PDE4D: variants seen among roughly 807,000 people sequenced by gnomAD.
PDE4D encodes the protein phosphodiesterase 4D.
A neutral mutation model predicts 87.4 loss-of-function variants in PDE4D; 24 were observed. That is an observed-to-expected ratio of 0.27 (90% CI 0.20 to 0.39). The LOEUF is 0.39. PDE4D is among the 10% of genes least tolerant of loss of function. The pLI, the probability that PDE4D is intolerant of heterozygous loss-of-function variation, is 1.00. For synonymous variants in PDE4D, 384 were observed against 383.2 expected (o/e 1.00, Z -0.02); for missense variants, 714 against 1,041.0 (o/e 0.69, Z 4.32).
intron 1 of PDE4D, among the ~76,000 whole-genome samples, chr5:59,593,824 C>T (rs1826254781): frequency 6.6e-6 from 1 of 152,138 alleles, no homozygotes; most frequent in South Asian, 2.1e-4. Flanking sequence ...GGGAGGTCCC[C>T]ACAATTCTGT....
intron 2 of PDE4D, among the ~76,000 whole-genome samples, chr5:60,143,266 CCAGA>C (rs1240948264): frequency 1.3e-5 from 2 of 152,168 alleles, no homozygotes; most frequent in Non-Finnish European, 2.9e-5. Context: ...GCCACATTCT[CCAGA>C]CAGTTTATGT....
intron 1 of PDE4D, among the ~76,000 whole-genome samples, chr5:60,456,332 C>A (rs994006251): frequency 6.6e-6 from 1 of 152,200 alleles, no homozygotes; most frequent in Non-Finnish European, 1.5e-5. Flanking sequence ...GCAAGTGACA[C>A]GAGGCAAGAG....
intron 2 of PDE4D, among the ~76,000 whole-genome samples, chr5:60,123,038 C>G (rs555091917): frequency 1.3e-5 from 2 of 152,262 alleles, no homozygotes; most frequent in African/African-American, 4.8e-5. Flanking sequence ...ATCACCTTTG[C>G]TACAGTTCCC....
At chr5:59,055,586 C>T (rs1286446838) in intron 5 of PDE4D, among the ~76,000 whole-genome samples, 1 of 152,138 alleles carries the variant, frequency 6.6e-6, no homozygotes, top group Non-Finnish European at 1.5e-5. Context: ...CTTTTTCCCT[C>T]TTTCCCTCCT....
intron 1 of PDE4D, among the ~76,000 whole-genome samples, chr5:59,216,548 T>G (rs912510054): frequency 3.3e-5 from 5 of 152,154 alleles, no homozygotes; most frequent in Non-Finnish European, 7.4e-5. Flanking sequence ...CATTCTTCAG[T>G]TTAAAACCCT....
At chr5:60,369,642 A>G (rs1352142689) in intron 1 of PDE4D, among the ~76,000 whole-genome samples, 2 of 152,122 alleles carry the variant, frequency 1.3e-5, no homozygotes, top group African/African-American at 4.8e-5. Flanking sequence ...GGACTTCCTT[A>G]CCTTGCCTTT....
At chr5:60,273,957 C>A (rs1751089864) in intron 1 of PDE4D, among the ~76,000 whole-genome samples, 1 of 152,098 alleles carries the variant, frequency 6.6e-6, no homozygotes, top group South Asian at 2.1e-4. Flanking sequence ...GATGAGCATG[C>A]CCAGTCAGAA....
intron 1 of PDE4D, among the ~76,000 whole-genome samples, chr5:59,600,856 G>A (rs1827403855): frequency 6.6e-6 from 1 of 152,184 alleles, no homozygotes; most frequent in African/African-American, 2.4e-5. Context: ...TGCTCAATTT[G>A]TGGACCCATC....
At chr5:60,065,067 T>A (rs1005602698) in intron 2 of PDE4D, among the ~76,000 whole-genome samples, 2 of 152,140 alleles carry the variant, frequency 1.3e-5, no homozygotes, top group Admixed American at 1.3e-4. Context: ...AATACACACA[T>A]TGCATTGCTA....
At chr5:60,027,462 T>C (rs904127844) in intron 2 of PDE4D, among the ~76,000 whole-genome samples, 2 of 152,202 alleles carry the variant, frequency 1.3e-5, no homozygotes, top group African/African-American at 4.8e-5. Context: ...ATGGTGTATA[T>C]GTACCTAGGT....
intron 1 of PDE4D, among the ~76,000 whole-genome samples, chr5:60,197,093 A>ACAGT (rs1741355696): frequency 8.0e-6 from 1 of 125,714 alleles, no homozygotes; most frequent in African/African-American, 3.0e-5. Flanking sequence ...AGATAGATAG[A>ACAGT]TAGATAGATA....
intron 1 of PDE4D, among the ~76,000 whole-genome samples, chr5:60,280,525 T>G (rs1028382613): frequency 1.3e-5 from 2 of 152,096 alleles, no homozygotes; most frequent in Non-Finnish European, 2.9e-5. Flanking sequence ...TAACAGTAGC[T>G]TAAATAAAAC....
At chr5:59,891,785 G>GCACACA (rs905733153) in intron 1 of PDE4D, among the ~76,000 whole-genome samples, 4 of 66,404 alleles carry the variant, frequency 6.0e-5, no homozygotes, top group African/African-American at 1.0e-4. Flanking sequence ...AGAGAGACAT[G>GCACACA]CTCACACACA....
At chr5:60,517,316 A>G (rs990176743) in intron 1 of PDE4D, among the ~76,000 whole-genome samples, 9 of 152,182 alleles carry the variant, frequency 5.9e-5, no homozygotes, top group Non-Finnish European at 1.2e-4. Context: ...CAGCAGGTTG[A>G]TGGCAGCGGG....
intron 5 of PDE4D, among the ~76,000 whole-genome samples, chr5:59,149,574 TTTA>T (rs1779156191): frequency 1.3e-5 from 2 of 152,108 alleles, no homozygotes; most frequent in Non-Finnish European, 2.9e-5. Flanking sequence ...GGAATGGAGA[TTTA>T]GGAGAATTTT....
intron 1 of PDE4D, among the ~76,000 whole-genome samples, chr5:59,482,730 G>C (rs1194892047): frequency 1.3e-5 from 2 of 152,062 alleles, no homozygotes; most frequent in Non-Finnish European, 2.9e-5. Context: ...AGCAATAATG[G>C]ACTCTAAATC....
intron 1 of PDE4D, among the ~76,000 whole-genome samples, chr5:60,372,303 T>C (rs1392675298): frequency 6.6e-6 from 1 of 152,208 alleles, no homozygotes; most frequent in Non-Finnish European, 1.5e-5. Flanking sequence ...AGCTCCTCTC[T>C]GGTTACCACC....
chr5:59,154,313 CTG>C (rs1262060364), intron 5 of PDE4D, among the ~76,000 whole-genome samples: 1 of 152,134 alleles, frequency 6.6e-6, no homozygotes, highest in Non-Finnish European at 1.5e-5. Flanking sequence ...GGCAAAATGT[CTG>C]TGTGTGTTTG....
intron 1 of PDE4D, among the ~76,000 whole-genome samples, chr5:59,313,909 T>C (rs1337064126): frequency 3.9e-5 from 6 of 152,182 alleles, no homozygotes; most frequent in African/African-American, 1.4e-4. Context: ...ACATCATTCC[T>C]AAATAAAACC....
Sources: allele counts gnomAD v4.1 joint callset (sites outside exome capture counted in the v4.1 genomes callset), GRCh38; gene constraint gnomAD v4.1.1; transcripts MANE v1.5; gene names NCBI Gene and HGNC (gene_info 2026-07-23, HGNC 2026-07-21).